The following NAALADL2 variants were observed in gnomAD, a reference collection of about 807,000 sequenced individuals.
NAALADL2 encodes inactive N-acetylated-alpha-linked acidic dipeptidase-like protein 2.
A neutral mutation model predicts 87.2 loss-of-function variants in NAALADL2; 76 were observed. The observed-to-expected ratio is 0.87, with a 90% confidence interval of 0.72 to 1.05. The LOEUF is 1.05. Among genes scored for constraint, NAALADL2 ranks in the 50% least tolerant of loss-of-function variants. The pLI, the probability that NAALADL2 is intolerant of heterozygous loss-of-function variation, is 0.00. For missense variants in NAALADL2, 1,089 were observed against 945.8 expected, an observed-to-expected ratio of 1.15 and a Z score of -1.99; for synonymous variants, 354 against 331.0, an observed-to-expected ratio of 1.07 and a Z score of -0.75.
At chr3:175,126,856 C>CTT (rs201786673) in intron 2 of NAALADL2, among the ~76,000 whole-genome samples, 28 of 140,310 alleles carry the variant, frequency 2.0e-4, no homozygotes, top group African/African-American at 6.0e-4. Flanking sequence ...TTCAAGCTAC[C>CTT]TTTTTTTTTT....
chr3:175,050,356 G>A (rs985046373), intron 1 of NAALADL2, among the ~76,000 whole-genome samples: 1 of 68,330 alleles, frequency 1.5e-5, no homozygotes, highest in Admixed American at 1.8e-4. Context: ...TCTGCCTCCT[G>A]GGTTCAAACA....
chr3:174,441,913 T>A (rs976260198), intron 1 of NAALADL2, among the ~76,000 whole-genome samples: 7 of 152,084 alleles, frequency 4.6e-5, no homozygotes, highest in African/African-American at 1.7e-4. Context: ...TAACTGTGGA[T>A]TAAGTTGCTG....
chr3:174,564,838 TC>T (rs1396673639), intron 2 of NAALADL2, among the ~76,000 whole-genome samples: 2 of 152,058 alleles, frequency 1.3e-5, no homozygotes, highest in Non-Finnish European at 2.9e-5. Context: ...GCTTTATATA[TC>T]TTTTTTTTTC....
chr3:174,820,508 C>T (rs1255301755), intron 3 of NAALADL2, among the ~76,000 whole-genome samples: 1 of 151,978 alleles, frequency 6.6e-6, no homozygotes, highest in Non-Finnish European at 1.5e-5. Flanking sequence ...TCTATAAAAG[C>T]TCATAAACAA....
rs1011812327 is a variant in NAALADL2 at position 174,726,344 on chromosome 3, G to A, written c.-114-11297G>A. On this transcript the variant is annotated intron_variant, in intron 2 of 3. Coordinates refer to the NAALADL2 transcript ENST00000434257. ...CATACCCAGTGGAAAAGCAAAGGCT[G>A]TGCAGGTCCAAGAACTACCAGCGGT... Among the ~76,000 whole-genome samples, 8 of 152,300 alleles carry A rather than the reference G, an allele frequency of 5.3e-5. No homozygotes were observed. The East Asian group carries it at 1.5e-3, about 29-fold the overall frequency.
intron 2 of NAALADL2, among the ~76,000 whole-genome samples, chr3:175,180,070 G>A (rs943451313): frequency 2.0e-5 from 3 of 151,756 alleles, no homozygotes; most frequent in Non-Finnish European, 4.4e-5. Flanking sequence ...GTGCTGATGG[G>A]GAACTAATAA....
At chr3:175,695,676 A>G (rs1737678479) in intron 11 of NAALADL2, among the ~76,000 whole-genome samples, 1 of 152,166 alleles carries the variant, frequency 6.6e-6, no homozygotes. Flanking sequence ...AAAATAGTAG[A>G]AATAAATTAA....
rs889410809 is a variant in NAALADL2 at position 175,407,201 on chromosome 3, A to G, written c.1091-40028A>G. 1.9e-4 allele frequency among the ~76,000 whole-genome samples: 29 copies of G among 152,282 alleles called. 2 individuals are homozygous for G. Among genetic ancestry groups the G allele is most frequent in the Admixed American group, 1.3e-3 (20 of 15,288 alleles). On this transcript the variant is annotated intron_variant, in intron 5 of 13. Transcript: ENST00000454872. The stretch of plus-strand genomic sequence containing the variant: ...TCCATCTGAAAAAAATAAAATAATA[A>G]AAGTGTCAGCTAGTTATCTGAAATT...
At chr3:175,196,238 A>T (rs1473377153) in intron 2 of NAALADL2, among the ~76,000 whole-genome samples, 2 of 151,922 alleles carry the variant, frequency 1.3e-5, no homozygotes, top group African/African-American at 2.4e-5. Flanking sequence ...GGAAGTCCTG[A>T]TCATAAACCT....
At chr3:174,470,237 CTT>C (rs1277910773) in intron 1 of NAALADL2, among the ~76,000 whole-genome samples, 1 of 152,072 alleles carries the variant, frequency 6.6e-6, no homozygotes, top group Non-Finnish European at 1.5e-5. Context: ...ATTTGCATCT[CTT>C]TGATGATTAG....
intron 1 of NAALADL2, among the ~76,000 whole-genome samples, chr3:174,478,130 C>G (rs1259555637): frequency 6.6e-6 from 1 of 152,040 alleles, no homozygotes; most frequent in Non-Finnish European, 1.5e-5. Flanking sequence ...TTACTTTTAA[C>G]AATATATTTT....
At chr3:174,925,548 A>G (rs1010434159) in intron 1 of NAALADL2, among the ~76,000 whole-genome samples, 2 of 152,158 alleles carry the variant, frequency 1.3e-5, no homozygotes, top group Non-Finnish European at 2.9e-5. Flanking sequence ...TGTTTTGGCT[A>G]TGCGGGCTCT....
intron 2 of NAALADL2, among the ~76,000 whole-genome samples, chr3:174,596,767 T>TCTCTTGTGAC (rs2108599114): frequency 6.6e-6 from 1 of 152,344 alleles, no homozygotes; most frequent in Admixed American, 6.5e-5. Flanking sequence ...ACACTAAAAA[T>TCTCTTGTGAC]GTTTATCTCT....
chr3:175,432,506 C>T (rs936987109), intron 5 of NAALADL2, among the ~76,000 whole-genome samples: 1 of 151,978 alleles, frequency 6.6e-6, no homozygotes, highest in African/African-American at 2.4e-5. Flanking sequence ...TAATTTTAGT[C>T]TTAATCAACA....
intron 2 of NAALADL2, among the ~76,000 whole-genome samples, chr3:175,188,068 G>T (rs1016714163): frequency 2.6e-5 from 4 of 152,078 alleles, no homozygotes; most frequent in Non-Finnish European, 4.4e-5. Flanking sequence ...AAGGCTTAAT[G>T]CTCCACACAT....
At chr3:175,240,753 T>C (rs1333592322) in intron 3 of NAALADL2, among the ~76,000 whole-genome samples, 1 of 152,168 alleles carries the variant, frequency 6.6e-6, no homozygotes, top group Non-Finnish European at 1.5e-5. Flanking sequence ...CCTCCCAGGT[T>C]CAAGCGATTC....
intron 4 of NAALADL2, among the ~76,000 whole-genome samples, chr3:175,263,171 G>A (rs1341456979): frequency 6.6e-6 from 1 of 151,772 alleles, no homozygotes; most frequent in Non-Finnish European, 1.5e-5. Context: ...ACTACTTTCT[G>A]TTTTCCAATG....
chr3:174,958,486 C>A (rs951695806), intron 1 of NAALADL2, among the ~76,000 whole-genome samples: 1 of 151,932 alleles, frequency 6.6e-6, no homozygotes, highest in East Asian at 1.9e-4. Context: ...TTTTATCCAT[C>A]CCCAAGGGTT....
intron 10 of NAALADL2, among the ~76,000 whole-genome samples, chr3:175,618,224 T>TA (rs1725623004): frequency 6.6e-6 from 1 of 152,194 alleles, no homozygotes; most frequent in South Asian, 2.1e-4. Flanking sequence ...TAATTTGGCT[T>TA]ACGTCCTGTA....
Sources: gnomAD v4.1 joint callset for allele counts (sites outside exome capture counted in the v4.1 genomes callset) on GRCh38, gnomAD v4.1.1 for gene constraint, MANE v1.5 for transcripts, NCBI Gene and HGNC (gene_info 2026-07-23, HGNC 2026-07-21) for gene names.